HTR4: variants seen among roughly 807,000 people sequenced by gnomAD.
The protein encoded by HTR4 is 5-hydroxytryptamine receptor 4.
A neutral mutation model predicts 36.8 loss-of-function variants in HTR4; 16 were observed. That is an observed-to-expected ratio of 0.43 (90% CI 0.29 to 0.66). HTR4 has a LOEUF of 0.66. Ranked by LOEUF, HTR4 falls within the 30% of genes least tolerant of loss-of-function variation. HTR4 has a pLI of 0.13. For missense variants in HTR4, 438 were observed against 490.9 expected (o/e 0.89, Z 1.02); for synonymous variants, 189 against 185.1 (o/e 1.02, Z -0.17).
At chr5:148,566,439 A>T (rs1489354977) in intron 2 of HTR4, among the ~76,000 whole-genome samples, 1 of 152,188 alleles carries the variant, frequency 6.6e-6, no homozygotes, top group Non-Finnish European at 1.5e-5. Flanking sequence ...GTCAAGCTTG[A>T]CAGGGAAGCA....
chr5:148,552,856 C>T (rs145404982), intron 2 of HTR4, among the ~76,000 whole-genome samples: 27 of 152,180 alleles, frequency 1.8e-4, no homozygotes, highest in East Asian at 1.2e-3. Context: ...TGATGCATTA[C>T]ATAGTAAGTG....
At chr5:148,595,965 G>A (rs557983898) in intron 2 of HTR4, among the ~76,000 whole-genome samples, 1 of 152,270 alleles carries the variant, frequency 6.6e-6, no homozygotes, top group East Asian at 1.9e-4. Flanking sequence ...CAGATGATCA[G>A]TTGCTTCAGA....
chr5:148,626,896 T>A (rs1258088601), intron 2 of HTR4, among the ~76,000 whole-genome samples: 1 of 152,200 alleles, frequency 6.6e-6, no homozygotes, highest in Non-Finnish European at 1.5e-5. Context: ...ATAGACATTT[T>A]TTTACCTGAA....
chr5:148,487,154 A>C (rs1382923899), intron 6 of HTR4, among the ~76,000 whole-genome samples: 1 of 152,146 alleles, frequency 6.6e-6, no homozygotes, highest in Non-Finnish European at 1.5e-5. Flanking sequence ...GAAGGTACAG[A>C]GTCTTGTTTC....
chr5:148,479,570 C>T (rs1321545538), downstream of HTR4, among the ~76,000 whole-genome samples: 1 of 151,944 alleles, frequency 6.6e-6, no homozygotes, highest in Non-Finnish European at 1.5e-5. Flanking sequence ...CAATTTTTTC[C>T]ATAACACATT....
At chr5:148,497,619 T>C (rs1334647424) in intron 6 of HTR4, among the ~76,000 whole-genome samples, 3 of 152,196 alleles carry the variant, frequency 2.0e-5, no homozygotes, top group Non-Finnish European at 2.9e-5. Context: ...CTATGTGCAC[T>C]ATGGGTTTCC....
At chr5:148,546,937 A>G (rs1028067398) in intron 4 of HTR4, among the ~76,000 whole-genome samples, 6 of 152,196 alleles carry the variant, frequency 3.9e-5, no homozygotes, top group Non-Finnish European at 7.4e-5. Context: ...ATAAACACAA[A>G]TTTCCAACTA....
intron 2 of HTR4, among the ~76,000 whole-genome samples, chr5:148,620,465 C>T (rs913177575): frequency 3.3e-5 from 5 of 152,176 alleles, no homozygotes; most frequent in South Asian, 2.1e-4. Flanking sequence ...CCACTAGCCA[C>T]GTTTAGTTAT....
At chr5:148,458,063 G>T (rs1167289812) in intron 5 of HTR4, among the ~76,000 whole-genome samples, 29 of 114,660 alleles carry the variant, frequency 2.5e-4, no homozygotes, top group East Asian at 7.2e-4. Flanking sequence ...TATATTTTAA[G>T]ATCTATTTAA....
At chr5:148,588,009 A>G (rs2127254760) in intron 2 of HTR4, among the ~76,000 whole-genome samples, 1 of 152,190 alleles carries the variant, frequency 6.6e-6, no homozygotes, top group East Asian at 1.9e-4. Flanking sequence ...CCCTGCTACT[A>G]GATTTGTAGC....
chr5:148,532,609 A>G (rs1355581929), intron 4 of HTR4, among the ~76,000 whole-genome samples: 2 of 152,250 alleles, frequency 1.3e-5, no homozygotes, highest in Non-Finnish European at 2.9e-5. Flanking sequence ...AGTGTAATCT[A>G]GGTGCTGTAG....
At chr5:148,538,727 A>C (rs1301000434) in intron 4 of HTR4, among the ~76,000 whole-genome samples, 1 of 152,206 alleles carries the variant, frequency 6.6e-6, no homozygotes, top group Non-Finnish European at 1.5e-5. Flanking sequence ...ATCAGAGATG[A>C]CACAAAGAAA....
chr5:148,484,009 C>T (rs1026135637), intron 6 of HTR4, among the ~76,000 whole-genome samples: 1 of 151,394 alleles, frequency 6.6e-6, no homozygotes, highest in African/African-American at 2.4e-5. Flanking sequence ...TCACATTTTA[C>T]TCAGTTAAAC....
intron 2 of HTR4, among the ~76,000 whole-genome samples, chr5:148,550,905 T>C (rs926357352): frequency 1.3e-5 from 2 of 152,304 alleles, no homozygotes; most frequent in Admixed American, 6.5e-5. Context: ...GGCATTAACT[T>C]ATCACAAGAT....
At chr5:148,586,827 G>A (rs1833711) in intron 2 of HTR4, among the ~76,000 whole-genome samples, 5,318 of 152,286 alleles carry the variant, frequency 0.035, 322 homozygotes, top group African/African-American at 0.12. Context: ...GATAGCAACT[G>A]ATGATTTGAC....
chr5:148,491,763 C>G (rs1031240365), intron 6 of HTR4, among the ~76,000 whole-genome samples: 11 of 152,184 alleles, frequency 7.2e-5, no homozygotes, highest in Admixed American at 7.2e-4. Flanking sequence ...TTATCTAATT[C>G]AACTTCCTCA....
intron 6 of HTR4, among the ~76,000 whole-genome samples, chr5:148,503,336 T>A (rs944828045): frequency 6.6e-6 from 1 of 152,196 alleles, no homozygotes; most frequent in African/African-American, 2.4e-5. Context: ...GGGGCCAATA[T>A]TCAACATTCT....
chr5:148,621,634 A>C (rs1338438159), intron 2 of HTR4, among the ~76,000 whole-genome samples: 2 of 152,180 alleles, frequency 1.3e-5, no homozygotes, highest in Non-Finnish European at 2.9e-5. Context: ...AGCCACTTTG[A>C]ATTTAGTTTA....
chr5:148,554,472 A>G (rs1025468143), intron 2 of HTR4, among the ~76,000 whole-genome samples: 1 of 152,244 alleles, frequency 6.6e-6, no homozygotes, highest in African/African-American at 2.4e-5. Flanking sequence ...AAGGAGAAGT[A>G]TTGTGATTCC....
Sources: allele counts gnomAD v4.1 joint callset (sites outside exome capture counted in the v4.1 genomes callset), GRCh38; gene constraint gnomAD v4.1.1; transcripts MANE v1.5; gene names NCBI Gene and HGNC (gene_info 2026-07-23, HGNC 2026-07-21).